RABGAP1L: variants seen among roughly 807,000 people sequenced by gnomAD.
The protein encoded by RABGAP1L is RAB GTPase activating protein 1 like.
A neutral mutation model predicts 137.7 loss-of-function variants in RABGAP1L; 63 were observed. The observed-to-expected ratio is 0.46, with a 90% CI of 0.37 to 0.56. The LOEUF (loss-of-function observed/expected upper bound fraction) is 0.56, where lower values mean the gene tolerates loss of function less well. Ranked by LOEUF, RABGAP1L falls within the 20% of genes least tolerant of loss-of-function variation. The pLI is 0.00. For missense variants in RABGAP1L, 1,095 were observed against 1,244.0 expected (o/e 0.88, Z 1.80); for synonymous variants, 431 against 433.7 (o/e 0.99, Z 0.08).
intron 14 of RABGAP1L, among the ~76,000 whole-genome samples, chr1:174,670,531 T>C (rs12722837): frequency 0.16 from 23,796 of 152,166 alleles, 2,542 homozygotes; most frequent in Non-Finnish European, 0.23. Flanking sequence ...CCCCACCTTT[T>C]CTCTGCATTC....
intron 21 of RABGAP1L, among the ~76,000 whole-genome samples, chr1:174,973,852 T>A (rs1670382289): frequency 1.3e-5 from 2 of 152,184 alleles, no homozygotes. Flanking sequence ...GAAGGCTTAG[T>A]TGCAGTCTTC....
At chr1:174,263,076 C>T (rs1673737114) in intron 7 of RABGAP1L, among the ~76,000 whole-genome samples, 1 of 152,200 alleles carries the variant, frequency 6.6e-6, no homozygotes, top group African/African-American at 2.4e-5. Context: ...TGAGGCCCTC[C>T]TACAGCCTTC....
intron 11 of RABGAP1L, among the ~76,000 whole-genome samples, chr1:174,314,636 A>G (rs984154146): frequency 6.6e-6 from 1 of 152,006 alleles, no homozygotes; most frequent in Admixed American, 6.6e-5. Context: ...AGACAGTTAT[A>G]GCTATAAACT....
intron 19 of RABGAP1L, among the ~76,000 whole-genome samples, chr1:174,932,890 G>A (rs775507337): frequency 6.6e-6 from 1 of 151,980 alleles, no homozygotes; most frequent in Non-Finnish European, 1.5e-5. Flanking sequence ...GATATTCCAG[G>A]CTCTTTTTGT....
At chr1:174,706,798 T>C (rs1680083464) in intron 17 of RABGAP1L, among the ~76,000 whole-genome samples, 1 of 152,246 alleles carries the variant, frequency 6.6e-6, no homozygotes, top group Non-Finnish European at 1.5e-5. Context: ...AGTTTAGCTT[T>C]GCTTGTTTTG....
chr1:174,476,529 A>G (rs1018771611), intron 13 of RABGAP1L, among the ~76,000 whole-genome samples: 2 of 152,222 alleles, frequency 1.3e-5, no homozygotes, highest in African/African-American at 4.8e-5. Flanking sequence ...TAACTCTTTC[A>G]AATACTATGT....
rs553759061 is a variant in RABGAP1L at position 174,953,206 on chromosome 1, AT to A, written c.2341-4249del. On this transcript the variant is annotated intron_variant, in intron 19 of 25. Coordinates refer to ENST00000681986, the MANE Select transcript of RABGAP1L (RefSeq NM_001366446.1). ...CCGATAATTATTGTTATACAACATG[AT>A]TAATATATATTCAGTCTGAAAGAGT... Among the ~76,000 whole-genome samples, 450 of 152,322 alleles carry A rather than the reference AT, an allele frequency of 3.0e-3. 3 individuals carry two copies. Among genetic ancestry groups the A allele is most frequent in the African/African-American group, 0.01 (430 of 41,566 alleles).
chr1:174,566,757 C>T (rs561570552), intron 13 of RABGAP1L, among the ~76,000 whole-genome samples: 1 of 152,220 alleles, frequency 6.6e-6, no homozygotes, highest in South Asian at 2.1e-4. Flanking sequence ...TTCCTGATGG[C>T]ACTATTGATC....
intron 13 of RABGAP1L, among the ~76,000 whole-genome samples, chr1:174,527,935 A>T (rs1664053765): frequency 8.4e-6 from 1 of 118,726 alleles, no homozygotes. Flanking sequence ...ATTTTGACTC[A>T]ATGTCTGTTT....
rs1199058927 is a variant in RABGAP1L at position 174,830,470 on chromosome 1, G to T, written c.2340+18510G>T. On this transcript the variant is annotated intron_variant, in intron 19 of 25. Transcript: ENST00000681986. ...TAATTTGGTTTTTTTTTGCCATGAG[G>T]TGTTATTTTTCTTTTTTTTCTTTTG... 2.1e-5 allele frequency among the ~76,000 whole-genome samples: 3 copies of T among 146,152 alleles called. 1 individual carries two copies. The highest frequency in any genetic ancestry group is 7.5e-5 in the African/African-American group (3 of 40,146).
At chr1:174,498,857 A>G (rs889075260) in intron 13 of RABGAP1L, among the ~76,000 whole-genome samples, 4 of 141,644 alleles carry the variant, frequency 2.8e-5, no homozygotes, top group Admixed American at 2.1e-4. Flanking sequence ...TTTCTCCTCA[A>G]AAAGCCAAGA....
At chr1:174,582,079 T>C (rs1668787422) in intron 13 of RABGAP1L, among the ~76,000 whole-genome samples, 1 of 152,104 alleles carries the variant, frequency 6.6e-6, no homozygotes, top group African/African-American at 2.4e-5. Flanking sequence ...CAATTTAACA[T>C]GTAGGTCCCA....
chr1:174,514,580 A>T (rs1014194525), intron 13 of RABGAP1L, among the ~76,000 whole-genome samples: 1 of 152,238 alleles, frequency 6.6e-6, no homozygotes, highest in Non-Finnish European at 1.5e-5. Flanking sequence ...ATGCATAAGA[A>T]CATTGAGGCC....
At chr1:174,652,609 C>G (rs898529283) in intron 14 of RABGAP1L, among the ~76,000 whole-genome samples, 13 of 152,344 alleles carry the variant, frequency 8.5e-5, no homozygotes, top group Admixed American at 8.5e-4. Context: ...CCTTGTTTGC[C>G]TGCGTATCAC....
intron 3 of RABGAP1L, among the ~76,000 whole-genome samples, chr1:174,223,065 C>G (rs553342787): frequency 1.6e-4 from 25 of 151,530 alleles, no homozygotes; most frequent in African/African-American, 5.6e-4. Context: ...ATCAGGAGTT[C>G]CAGACCAGCC....
intron 19 of RABGAP1L, chr1:174,877,681 G>A (rs1653371896): frequency 6.9e-7 from 1 of 1,440,378 alleles, no homozygotes; most frequent in Admixed American, 1.8e-5. Flanking sequence ...TGTAGCAACT[G>A]AGGCATAACT....
intron 14 of RABGAP1L, among the ~76,000 whole-genome samples, chr1:174,666,431 T>C (rs972209743): frequency 2.0e-5 from 3 of 152,190 alleles, no homozygotes; most frequent in Non-Finnish European, 2.9e-5. Flanking sequence ...AGTTCAATAT[T>C]TACATTAGAA....
intron 21 of RABGAP1L, 34 bp downstream of exon 21, chr1:174,969,421 T>G (rs1669939137): frequency 1.0e-5 from 15 of 1,498,028 alleles, no homozygotes; most frequent in Non-Finnish European, 1.4e-5. Flanking sequence ...GATGACTTCC[T>G]CAGGGCAAAG....
intron 23 of RABGAP1L, among the ~76,000 whole-genome samples, chr1:174,981,776 C>G (rs895660232): frequency 1.1e-4 from 16 of 152,078 alleles, no homozygotes; most frequent in African/African-American, 3.4e-4. Flanking sequence ...TTGAAAGCAC[C>G]TATTTCTACC....
Sources: allele counts gnomAD v4.1 joint callset (sites outside exome capture counted in the v4.1 genomes callset), GRCh38; gene constraint gnomAD v4.1.1; transcripts MANE v1.5; gene names NCBI Gene and HGNC (gene_info 2026-07-23, HGNC 2026-07-21).